EDIL3: variants seen among roughly 807,000 people sequenced by gnomAD.
EDIL3 encodes EGF like and discoidin domains 3, also known as EGF-like repeat and discoidin I-like domain-containing protein 3.
A neutral mutation model predicts 67.4 loss-of-function variants in EDIL3; 37 were observed. That is an observed-to-expected ratio of 0.55 (90% CI 0.42 to 0.72). EDIL3 has a LOEUF of 0.72. EDIL3 is among the 30% of genes least tolerant of loss of function. The probability of loss-of-function intolerance (pLI) is 0.00; values close to 1 mark genes in which losing one functional copy is unlikely to be tolerated. For synonymous variants in EDIL3, 195 were observed against 196.3 expected (o/e 0.99, Z 0.05); for missense variants, 527 against 586.3 (o/e 0.90, Z 1.04).
chr5:84,090,364 G>A (rs995747211), intron 6 of EDIL3, among the ~76,000 whole-genome samples: 3 of 152,150 alleles, frequency 2.0e-5, no homozygotes, highest in African/African-American at 7.2e-5. Context: ...ATTTAATGAA[G>A]TTGTTTCTAA....
At chr5:84,074,877 C>G (rs201604587) in intron 6 of EDIL3, among the ~76,000 whole-genome samples, 3,136 of 152,242 alleles carry the variant, frequency 0.021, 69 homozygotes, top group East Asian at 0.065. Context: ...ATAAATCATG[C>G]TGCTATAAAG....
intron 1 of EDIL3, 58 bp downstream of exon 1, chr5:84,384,249 GT>G (rs1748171265): frequency 6.4e-6 from 10 of 1,564,056 alleles, no homozygotes; most frequent in Non-Finnish European, 8.7e-6. Context: ...CCTGCGCGGC[GT>G]TTCTCAGGGG....
chr5:83,951,366 G>T (rs149375670), intron 10 of EDIL3, among the ~76,000 whole-genome samples: 65 of 151,824 alleles, frequency 4.3e-4, no homozygotes, highest in African/African-American at 1.5e-3. Context: ...AATGAATCTG[G>T]CTTTGCTTCA....
At chr5:84,372,527 G>C (rs1464245899) in intron 1 of EDIL3, among the ~76,000 whole-genome samples, 2 of 152,124 alleles carry the variant, frequency 1.3e-5, no homozygotes, top group African/African-American at 4.8e-5. Flanking sequence ...AAAATACGTA[G>C]AGGGCCATCT....
intron 9 of EDIL3, among the ~76,000 whole-genome samples, chr5:83,970,740 C>T (rs190248836): frequency 9.6e-5 from 14 of 145,920 alleles, no homozygotes; most frequent in Middle Eastern, 3.6e-3. Context: ...CTTCTTTGTT[C>T]TATCCCCCTA....
At chr5:84,045,031 C>G (rs1746196349) in intron 9 of EDIL3, among the ~76,000 whole-genome samples, 1 of 152,088 alleles carries the variant, frequency 6.6e-6, no homozygotes, top group South Asian at 2.1e-4. Flanking sequence ...CTAAGGAGAC[C>G]TCACAATCAC....
intron 2 of EDIL3, among the ~76,000 whole-genome samples, chr5:84,247,403 C>T (rs765412433): frequency 2.1e-4 from 32 of 152,076 alleles, no homozygotes; most frequent in South Asian, 2.1e-3. Flanking sequence ...TTTCGGACAA[C>T]GTCAGACTCT....
chr5:84,069,941 G>GAGAGGAGC (rs373258940), intron 6 of EDIL3, among the ~76,000 whole-genome samples: 1 of 152,074 alleles, frequency 6.6e-6, no homozygotes, highest in African/African-American at 2.4e-5. Flanking sequence ...GCTGGATGTG[G>GAGAGGAGC]AGAGGAGCAG....
chr5:84,374,329 T>A (rs941613445), intron 1 of EDIL3, among the ~76,000 whole-genome samples: 1 of 152,192 alleles, frequency 6.6e-6, no homozygotes, highest in African/African-American at 2.4e-5. Flanking sequence ...ACTCCTTGAA[T>A]TCCAGGTCAT....
At chr5:84,268,677 G>A (rs1183284485) in intron 1 of EDIL3, among the ~76,000 whole-genome samples, 1 of 152,022 alleles carries the variant, frequency 6.6e-6, no homozygotes, top group Non-Finnish European at 1.5e-5. Context: ...CACTTTTATT[G>A]TTAGAAAAAA....
At chr5:83,978,764 G>T (rs1744916137) in intron 9 of EDIL3, among the ~76,000 whole-genome samples, 1 of 151,970 alleles carries the variant, frequency 6.6e-6, no homozygotes, top group African/African-American at 2.4e-5. Context: ...AGATGCTACA[G>T]AAATTGGCTG....
chr5:84,305,656 G>C (rs1199276713), intron 1 of EDIL3, among the ~76,000 whole-genome samples: 1 of 152,154 alleles, frequency 6.6e-6, no homozygotes, highest in African/African-American at 2.4e-5. Flanking sequence ...AAGACGCGCG[G>C]CTCACAAGAT....
rs181266559 is a variant in EDIL3 at position 84,014,009 on chromosome 5, G to A, written c.1137+46291C>T. ...TTTGGTCATCAGCTACTTATATCAT[G>A]TTTGACTTTCCAAGCTTCAAATCTG... On this transcript the variant is annotated intron_variant, in intron 9 of 10. Coordinates refer to ENST00000296591, the MANE Select transcript of EDIL3 (RefSeq NM_005711.5). Among the ~76,000 whole-genome samples the A allele has an allele frequency of 2.2e-3, 338 of 152,236 alleles. 2 individuals are homozygous for A. The highest frequency in any genetic ancestry group is 7.9e-3 in the African/African-American group (328 of 41,556).
chr5:84,048,157 T>A (rs1003706970), intron 9 of EDIL3: 7 of 377,376 alleles, frequency 1.9e-5, no homozygotes, highest in Non-Finnish European at 2.6e-5. Context: ...AGGTGAACCT[T>A]CATAAATGAG....
At chr5:84,239,055 C>G (rs1744741008) in intron 2 of EDIL3, among the ~76,000 whole-genome samples, 1 of 152,136 alleles carries the variant, frequency 6.6e-6, no homozygotes, top group African/African-American at 2.4e-5. Flanking sequence ...AAAATCTCAT[C>G]AAGGAACATG....
intron 9 of EDIL3, among the ~76,000 whole-genome samples, chr5:83,980,419 T>C (rs1035649119): frequency 6.6e-6 from 1 of 151,850 alleles, no homozygotes; most frequent in African/African-American, 2.4e-5. Flanking sequence ...CATGATCTTG[T>C]ATATAGAAAA....
chr5:84,224,146 T>A (rs1346781059), intron 3 of EDIL3, among the ~76,000 whole-genome samples: 1 of 151,548 alleles, frequency 6.6e-6, no homozygotes, highest in African/African-American at 2.4e-5. Context: ...TAGTTCATTT[T>A]AACCAGCGAC....
intron 1 of EDIL3, among the ~76,000 whole-genome samples, chr5:84,373,243 A>T (rs553511325): frequency 6.6e-6 from 1 of 152,232 alleles, no homozygotes; most frequent in East Asian, 1.9e-4. Flanking sequence ...CTTGGGGCAC[A>T]AGATTTTGGG....
chr5:84,358,284 C>G (rs1464179103), intron 1 of EDIL3, among the ~76,000 whole-genome samples: 1 of 152,154 alleles, frequency 6.6e-6, no homozygotes, highest in East Asian at 1.9e-4. Context: ...GGCCAGAGAA[C>G]AGTTCTGTTC....
Sources: gnomAD v4.1 joint callset for allele counts (sites outside exome capture counted in the v4.1 genomes callset) on GRCh38, gnomAD v4.1.1 for gene constraint, MANE v1.5 for transcripts, NCBI Gene and HGNC (gene_info 2026-07-23, HGNC 2026-07-21) for gene names.